The following SGCD variants were observed in gnomAD, a reference collection of about 807,000 sequenced individuals.
SGCD encodes the protein sarcoglycan delta, also known as delta-sarcoglycan.
Under a neutral mutation model 36.6 loss-of-function variants are expected in SGCD, and 18 were observed. The ratio of observed to expected loss-of-function variants is 0.49; its 90% CI spans 0.34 to 0.73. The LOEUF is 0.73. Ranked by LOEUF, SGCD falls within the 30% of genes least tolerant of loss-of-function variation. The probability of loss-of-function intolerance (pLI) is 0.01; values close to 1 mark genes in which losing one functional copy is unlikely to be tolerated. For synonymous variants in SGCD, 133 were observed against 130.6 expected, an observed-to-expected ratio of 1.02 and a Z score of -0.12; for missense variants, 387 against 346.7, an observed-to-expected ratio of 1.12 and a Z score of -0.92.
At chr5:155,789,855 GACAAA>G in the SGCD span, among the ~76,000 whole-genome samples, 3 of 152,020 alleles carry the variant, frequency 2.0e-5, no homozygotes, top group East Asian at 5.8e-4. Flanking sequence ...GTTAGTAATT[GACAAA>G]ACCAGGCCTG....
chr5:156,207,192 A>G lies in SGCD; in HGVS notation c.-44+83173A>G, dbSNP rs149151383. On this transcript the variant is annotated intron_variant, in intron 3 of 9. Transcript: ENST00000517913. ...GGGAGGGTATGACTTCTACTCTTCA[A>G]CAGAGGTCACTGCATGTACACTTTG... 6.4e-4 allele frequency among the ~76,000 whole-genome samples: 97 copies of G among 152,204 alleles called. 1 individual carries two copies. In the Middle Eastern group the frequency reaches 0.017, roughly 27 times the overall value.
chr5:156,695,112 TTGTGTGTGTG>T (rs370137233), intron 7 of SGCD, among the ~76,000 whole-genome samples: 1 of 128,912 alleles, frequency 7.8e-6, no homozygotes, highest in Non-Finnish European at 1.7e-5. Flanking sequence ...GGTACTGTGT[TTGTGTGTGTG>T]TGTGTGTGTG....
intron 3 of SGCD, among the ~76,000 whole-genome samples, chr5:156,483,397 G>A (rs1427939355): frequency 1.3e-5 from 2 of 152,216 alleles, no homozygotes; most frequent in African/African-American, 2.4e-5. Context: ...GGAGAAGGGA[G>A]TCACCCCAAG....
chr5:156,184,371 GTT>G (rs3036754), intron 3 of SGCD, among the ~76,000 whole-genome samples: 1 of 141,490 alleles, frequency 7.1e-6, no homozygotes. Flanking sequence ...CAAGCAGCCA[GTT>G]TTTTTTTTTT....
chr5:156,015,061 C>T (rs1345067795), intron 1 of SGCD, among the ~76,000 whole-genome samples: 3 of 152,170 alleles, frequency 2.0e-5, no homozygotes, highest in Non-Finnish European at 4.4e-5. Context: ...ACTTTCCACC[C>T]TGCAGCTAAG....
chr5:156,415,080 T>G (rs1366202472), intron 3 of SGCD, among the ~76,000 whole-genome samples: 1 of 152,080 alleles, frequency 6.6e-6, no homozygotes, highest in African/African-American at 2.4e-5. Context: ...CCATCAGTGG[T>G]GGCCAAGGTT....
chr5:155,922,957 C>T (rs753838612), intron 1 of SGCD, among the ~76,000 whole-genome samples: 6 of 152,100 alleles, frequency 3.9e-5, no homozygotes, highest in African/African-American at 9.7e-5. Context: ...GGGAAGGGAT[C>T]GATTTCTTGA....
chr5:156,340,298 C>A (rs1768581627), intron 2 of SGCD, among the ~76,000 whole-genome samples: 1 of 152,166 alleles, frequency 6.6e-6, no homozygotes, highest in Non-Finnish European at 1.5e-5. Flanking sequence ...TGACTAGCTT[C>A]TGTCTTTTCT....
At chr5:156,400,642 A>G (rs1037305288) in intron 3 of SGCD, among the ~76,000 whole-genome samples, 1 of 152,226 alleles carries the variant, frequency 6.6e-6, no homozygotes, top group Non-Finnish European at 1.5e-5. Context: ...TATGTATGAA[A>G]TCATTGAAAT....
intron 6 of SGCD, among the ~76,000 whole-genome samples, chr5:156,608,632 T>G (rs1761608328): frequency 6.6e-6 from 1 of 152,210 alleles, no homozygotes; most frequent in South Asian, 2.1e-4. Flanking sequence ...CTGTCTAATG[T>G]TGACAGTGGG....
intron 3 of SGCD, among the ~76,000 whole-genome samples, chr5:156,321,399 G>A (rs1049746882): frequency 5.9e-5 from 9 of 152,004 alleles, no homozygotes; most frequent in Non-Finnish European, 1.3e-4. Flanking sequence ...CAGCCTGGGT[G>A]ACAGAGCGAG....
At chr5:156,741,004 G>A (rs1756643503) in intron 7 of SGCD, among the ~76,000 whole-genome samples, 1 of 152,202 alleles carries the variant, frequency 6.6e-6, no homozygotes, top group Non-Finnish European at 1.5e-5. Context: ...AACACACAGA[G>A]TAATCCTAGG....
intron 4 of SGCD, among the ~76,000 whole-genome samples, chr5:156,513,936 C>A (rs565125642): frequency 6.3e-4 from 96 of 152,286 alleles, no homozygotes; most frequent in African/African-American, 2.3e-3. Context: ...AGCATTCAAC[C>A]ATGACATCCA....
intron 1 of SGCD, among the ~76,000 whole-genome samples, chr5:156,041,960 G>C (rs1236409827): frequency 1.3e-5 from 2 of 152,088 alleles, no homozygotes; most frequent in Non-Finnish European, 2.9e-5. Context: ...GAAAGAAATA[G>C]GTGTCAAGGC....
Position 156,329,598 on chromosome 5 carries a change from C to A in SGCD, c.3+19C>A, listed in dbSNP as rs182715924. On this transcript the variant is annotated intron_variant, in intron 2 of 8. Coordinates refer to ENST00000337851, the MANE Select transcript of SGCD (RefSeq NM_000337.6). ...GGAGATGGTGAGTAATTCCCGGGAG[C>A]GAAGCTTGTTCAAGGCCCTGCTCAT... 3 of 1,610,624 alleles carry A rather than the reference C, an allele frequency of 1.9e-6. No homozygotes were observed. The highest frequency in any genetic ancestry group is 1.7e-5 in the Admixed American group (1 of 59,812).
intron 4 of SGCD, among the ~76,000 whole-genome samples, chr5:156,569,143 C>A (rs922054033): frequency 2.0e-5 from 3 of 152,142 alleles, no homozygotes; most frequent in Non-Finnish European, 2.9e-5. Flanking sequence ...GCGAACTCAG[C>A]GAACTCATAT....
intron 7 of SGCD, among the ~76,000 whole-genome samples, chr5:156,655,858 A>G (rs1372111524): frequency 2.0e-5 from 3 of 152,050 alleles, no homozygotes; most frequent in African/African-American, 7.2e-5. Flanking sequence ...TGGAAAAATC[A>G]CTGATCTCAG....
intron 3 of SGCD, among the ~76,000 whole-genome samples, chr5:156,133,475 G>A (rs1762376467): frequency 6.6e-6 from 1 of 152,052 alleles, no homozygotes; most frequent in South Asian, 2.1e-4. Context: ...TTATGGATGA[G>A]GAAACTAAGA....
intron 1 of SGCD, among the ~76,000 whole-genome samples, chr5:156,327,683 C>A (rs1211738084): frequency 6.6e-6 from 1 of 152,128 alleles, no homozygotes; most frequent in Non-Finnish European, 1.5e-5. Context: ...AAATGGCTCT[C>A]ATTTTAGGAG....
Sources: allele counts gnomAD v4.1 joint callset (sites outside exome capture counted in the v4.1 genomes callset), GRCh38; gene constraint gnomAD v4.1.1; transcripts MANE v1.5; gene names NCBI Gene and HGNC (gene_info 2026-07-23, HGNC 2026-07-21).